The following VAV3 variants were observed in gnomAD, a reference collection of about 807,000 sequenced individuals.
VAV3 encodes guanine nucleotide exchange factor VAV3.
VAV3 carries 94 observed loss-of-function variants against 131.2 expected under a neutral mutation model. That is an observed-to-expected ratio of 0.72 (90% CI 0.61 to 0.85). The LOEUF (loss-of-function observed/expected upper bound fraction) is 0.85. VAV3 is among the 40% of genes least tolerant of loss of function. The pLI is 0.00. For missense variants in VAV3, 939 were observed against 1,002.7 expected, an observed-to-expected ratio of 0.94 and a Z score of 0.86; for synonymous variants, 349 against 342.0, an observed-to-expected ratio of 1.02 and a Z score of -0.22.
intron 25 of VAV3, among the ~76,000 whole-genome samples, chr1:107,589,494 T>C (rs1650773413): frequency 6.6e-6 from 1 of 152,192 alleles, no homozygotes; most frequent in Non-Finnish European, 1.5e-5. Flanking sequence ...CCTCAGAGCC[T>C]CCAGGAAGAA....
intron 2 of VAV3, among the ~76,000 whole-genome samples, chr1:107,781,989 T>C (rs1665716354): frequency 1.3e-5 from 2 of 152,240 alleles, no homozygotes; most frequent in African/African-American, 4.8e-5. Flanking sequence ...GGGGAGGTTC[T>C]GGAATAATCA....
chr1:107,665,036 C>T (rs570028637), intron 19 of VAV3, among the ~76,000 whole-genome samples: 5 of 152,270 alleles, frequency 3.3e-5, no homozygotes, highest in Non-Finnish European at 5.9e-5. Context: ...AGTTAATATA[C>T]TGTAGACTGG....
At chr1:107,663,151 T>C (rs114037129) in intron 19 of VAV3, among the ~76,000 whole-genome samples, 2,246 of 152,300 alleles carry the variant, frequency 0.015, 59 homozygotes, top group African/African-American at 0.052. Flanking sequence ...TCAGGATTAA[T>C]TGGAAACATC....
chr1:107,771,142 C>G (rs909651403), intron 5 of VAV3, among the ~76,000 whole-genome samples: 2 of 152,020 alleles, frequency 1.3e-5, no homozygotes, highest in African/African-American at 2.4e-5. Context: ...TAACATCTTA[C>G]TGCTTGACTT....
At chr1:107,609,720 G>A in intron 22 of VAV3, 3 of 510,842 alleles carry the variant, frequency 5.9e-6, no homozygotes, top group Non-Finnish European at 1.1e-5. Flanking sequence ...TAGGGCACTG[G>A]GCACTCGCAT....
At chr1:107,586,166 G>A (rs1650475168) in intron 25 of VAV3, among the ~76,000 whole-genome samples, 1 of 145,236 alleles carries the variant, frequency 6.9e-6, no homozygotes, top group Non-Finnish European at 1.5e-5. Context: ...TTCCCAGAGC[G>A]CTCAGTAACG....
At chr1:107,841,505 T>A (rs977858268) in intron 2 of VAV3, among the ~76,000 whole-genome samples, 2 of 152,164 alleles carry the variant, frequency 1.3e-5, no homozygotes, top group African/African-American at 4.8e-5. Flanking sequence ...GAGAAAACAA[T>A]CTTTCTCCAC....
intron 1 of VAV3, among the ~76,000 whole-genome samples, chr1:107,924,073 A>G (rs1673039940): frequency 6.6e-6 from 1 of 151,992 alleles, no homozygotes; most frequent in South Asian, 2.1e-4. Flanking sequence ...TTCACTCTGG[A>G]GCTTTTAGAA....
intron 18 of VAV3, among the ~76,000 whole-genome samples, chr1:107,686,641 CAG>C (rs1014286285): frequency 1.3e-5 from 2 of 152,144 alleles, no homozygotes. Context: ...CCACACAAAA[CAG>C]AGATTTTTAG....
At chr1:107,795,527 T>TC (rs1407393559) in intron 2 of VAV3, among the ~76,000 whole-genome samples, 3 of 151,360 alleles carry the variant, frequency 2.0e-5, no homozygotes, top group Non-Finnish European at 2.9e-5. Context: ...CTATCTCCCC[T>TC]CCCCCCAGGA....
chr1:107,924,720 T>C (rs1473659744), intron 1 of VAV3, among the ~76,000 whole-genome samples: 1 of 152,156 alleles, frequency 6.6e-6, no homozygotes, highest in Non-Finnish European at 1.5e-5. Flanking sequence ...TATGGTGAAA[T>C]GTTTATCCTG....
intron 15 of VAV3, among the ~76,000 whole-genome samples, chr1:107,706,974 T>C (rs1035324005): frequency 6.6e-6 from 1 of 152,148 alleles, no homozygotes; most frequent in Non-Finnish European, 1.5e-5. Context: ...TTTGGACCAC[T>C]GGTATTTAAA....
At chr1:107,634,972 A>G (rs1465325880) in intron 20 of VAV3, among the ~76,000 whole-genome samples, 1 of 151,738 alleles carries the variant, frequency 6.6e-6, no homozygotes, top group African/African-American at 2.4e-5. Context: ...AGGAAACAAC[A>G]GGTGCTGGAG....
At chr1:107,959,734 T>C (rs930487500) in intron 1 of VAV3, among the ~76,000 whole-genome samples, 4 of 152,132 alleles carry the variant, frequency 2.6e-5, no homozygotes, top group African/African-American at 9.7e-5. Flanking sequence ...ATCTTCACCT[T>C]GATGACTCCA....
intron 12 of VAV3, 134 bp from the exon 13 acceptor site, chr1:107,751,336 T>C (rs1023691316): frequency 1.4e-6 from 1 of 710,182 alleles, no homozygotes; most frequent in Admixed American, 3.1e-5. Context: ...TTTTAAAGCA[T>C]ACTTACTCTA....
At chr1:107,700,069 T>C (rs1004960791) in intron 17 of VAV3, among the ~76,000 whole-genome samples, 1 of 152,204 alleles carries the variant, frequency 6.6e-6, no homozygotes, top group Non-Finnish European at 1.5e-5. Flanking sequence ...AGTGAGTTGT[T>C]GGCAAGGCAG....
chr1:107,717,408 A>T (rs1661175334), intron 15 of VAV3, among the ~76,000 whole-genome samples: 1 of 152,174 alleles, frequency 6.6e-6, no homozygotes. Flanking sequence ...CACTGCTTTA[A>T]ATGTGTCCCA....
chr1:107,819,137 C>T (rs544993053), intron 2 of VAV3, among the ~76,000 whole-genome samples: 17 of 152,218 alleles, frequency 1.1e-4, no homozygotes, highest in South Asian at 8.3e-4. Flanking sequence ...TAGATTGCCT[C>T]CAGGAAACCA....
At chr1:107,836,081 G>T (rs893384811) in intron 2 of VAV3, among the ~76,000 whole-genome samples, 2 of 152,190 alleles carry the variant, frequency 1.3e-5, no homozygotes, top group African/African-American at 4.8e-5. Flanking sequence ...AAATAATAGT[G>T]AAAGATGTCA....
Sources: gnomAD v4.1 joint callset for allele counts (sites outside exome capture counted in the v4.1 genomes callset) on GRCh38, gnomAD v4.1.1 for gene constraint, MANE v1.5 for transcripts, NCBI Gene and HGNC (gene_info 2026-07-23, HGNC 2026-07-21) for gene names.